Variants in DNM3 observed in about 807,000 individuals in gnomAD.
The protein encoded by DNM3 is dynamin-3.
DNM3 carries 47 observed loss-of-function variants against 101.6 expected under a neutral mutation model. The observed-to-expected ratio is 0.46, with a 90% CI of 0.37 to 0.59. The LOEUF is 0.59. Ranked by LOEUF, DNM3 falls within the 20% of genes least tolerant of loss-of-function variation. The pLI is 0.00. For missense variants in DNM3, 849 were observed against 1,085.7 expected (o/e 0.78, Z 3.06); for synonymous variants, 385 against 387.9 (o/e 0.99, Z 0.09).
At chr1:172,281,699 G>C (rs887540031) in intron 15 of DNM3, among the ~76,000 whole-genome samples, 5 of 151,888 alleles carry the variant, frequency 3.3e-5, no homozygotes, top group African/African-American at 1.2e-4. Flanking sequence ...CTGGTTTGCA[G>C]ACCCCACTCC....
At chr1:172,131,149 C>G (rs752470793) in intron 13 of DNM3, 26 bp from the exon 14 acceptor site, 1 of 1,606,152 alleles carries the variant, frequency 6.2e-7, no homozygotes, top group East Asian at 2.2e-5. Context: ...AACTAAACAC[C>G]TCTGCTGATT....
chr1:172,121,744 A>G (rs1449429940), intron 13 of DNM3, among the ~76,000 whole-genome samples: 1 of 152,208 alleles, frequency 6.6e-6, no homozygotes, highest in Non-Finnish European at 1.5e-5. Context: ...GTTATTAGGT[A>G]GGGGTTGGGA....
chr1:172,023,719 T>A (rs924126847), intron 4 of DNM3, among the ~76,000 whole-genome samples: 1 of 152,130 alleles, frequency 6.6e-6, no homozygotes, highest in Admixed American at 6.5e-5. Flanking sequence ...TATCTTTTAC[T>A]TATAGGACAT....
intron 20 of DNM3, among the ~76,000 whole-genome samples, chr1:172,391,508 A>G (rs1235331435): frequency 6.6e-6 from 1 of 152,228 alleles, no homozygotes; most frequent in African/African-American, 2.4e-5. Context: ...TAAGATTTCA[A>G]AAAAAGAAAG....
intron 13 of DNM3, among the ~76,000 whole-genome samples, chr1:172,104,680 T>G (rs145809801): frequency 2.2e-4 from 33 of 152,336 alleles, no homozygotes; most frequent in African/African-American, 7.9e-4. Context: ...TTTATTGTTC[T>G]TTATTCTCTC....
At position 172,408,253 on chromosome 1, in the gene DNM3, TAGG is replaced by T; in HGVS notation, c.*414_*416del. 1.0e-6 allele frequency: 1 copy of T among 997,328 alleles called. No individual in the cohort carries two copies. The highest frequency in any genetic ancestry group is 4.5e-5 in the South Asian group (1 of 22,146). 61.8% of individuals were successfully genotyped at this position (997,328 alleles called of 1,614,324 possible). ...CATATTTCTTTTCCCACATTCTGTTTAGGATGACAGTAATTCTGTTGTCTACCA... is the reference window on the plus strand; with the variant it reads ...CATATTTCTTTTCCCACATTCTGTTTATGACAGTAATTCTGTTGTCTACCA... On this transcript the variant is annotated 3_prime_UTR_variant, in exon 21 of 21. Transcript: ENST00000627582.
intron 15 of DNM3, among the ~76,000 whole-genome samples, chr1:172,298,630 A>T (rs991891266): frequency 5.9e-5 from 9 of 152,144 alleles, no homozygotes; most frequent in African/African-American, 2.2e-4. Context: ...ACTTGAGAAA[A>T]GAGGACCTGT....
At chr1:172,209,254 G>A (rs2060429104) in intron 14 of DNM3, among the ~76,000 whole-genome samples, 1 of 151,992 alleles carries the variant, frequency 6.6e-6, no homozygotes, top group South Asian at 2.1e-4. Context: ...GTAGTTATCT[G>A]CAAGCCAAGG....
chr1:172,052,299 C>T (rs2050259890), intron 10 of DNM3, among the ~76,000 whole-genome samples: 1 of 152,072 alleles, frequency 6.6e-6, no homozygotes, highest in Non-Finnish European at 1.5e-5. Context: ...GTACTCTCAC[C>T]TCCTTAGAGG....
intron 2 of DNM3, among the ~76,000 whole-genome samples, chr1:171,928,874 G>A (rs1269606769): frequency 1.3e-5 from 2 of 152,146 alleles, no homozygotes; most frequent in African/African-American, 4.8e-5. Flanking sequence ...TGCCTGCTCT[G>A]GTCCCTAGTC....
intron 1 of DNM3, among the ~76,000 whole-genome samples, chr1:171,907,435 G>T (rs1384490109): frequency 3.3e-5 from 5 of 151,900 alleles, no homozygotes; most frequent in Admixed American, 1.3e-4. Flanking sequence ...AGGTTGCGGT[G>T]AGCCAAGATT....
At chr1:172,129,007 G>A (rs1022528523) in intron 13 of DNM3, among the ~76,000 whole-genome samples, 6 of 152,072 alleles carry the variant, frequency 3.9e-5, no homozygotes, top group African/African-American at 7.2e-5. Context: ...TAGTTTTAAC[G>A]AGAAAATAAG....
At chr1:172,382,666 C>A (rs1238860825) in intron 18 of DNM3, among the ~76,000 whole-genome samples, 1 of 152,066 alleles carries the variant, frequency 6.6e-6, no homozygotes, top group African/African-American at 2.4e-5. Flanking sequence ...GACTCCTACC[C>A]CCACAGGGTA....
At position 172,337,866 on chromosome 1, in the gene DNM3, TTTTTATTTTATTTTATTTTA is replaced by T. The variant is rs567308271; in HGVS notation, c.1893+14569_1893+14588del. 2.9e-3 allele frequency among the ~76,000 whole-genome samples: 325 copies of T among 113,164 alleles called. 1 individual carries two copies. The highest frequency in any genetic ancestry group is 8.6e-3 in the African/African-American group (263 of 30,464). The allele number at this position is 113,164 out of a possible 152,430, so 74.2% of individuals were successfully genotyped here. ...TTTTATTTTATTTTATTTTATTTTA[TTTTTATTTTATTTTATTTTA>T]TTTTATTTTATTTTATTTTATTTTA... On this transcript the variant is annotated intron_variant, in intron 17 of 20. Transcript: ENST00000627582.
chr1:171,893,163 T>A (rs1425144936), intron 1 of DNM3, among the ~76,000 whole-genome samples: 3 of 152,196 alleles, frequency 2.0e-5, no homozygotes, highest in Middle Eastern at 3.2e-3. Context: ...AGAGTTAGAC[T>A]GTCTGTTTTG....
chr1:172,372,662 A>C (rs1436150157), intron 17 of DNM3, among the ~76,000 whole-genome samples: 1 of 150,002 alleles, frequency 6.7e-6, no homozygotes, highest in Non-Finnish European at 1.5e-5. Context: ...GTAGTATGAA[A>C]TCTTGTAATT....
intron 1 of DNM3, among the ~76,000 whole-genome samples, chr1:171,853,181 T>G (rs76308361): frequency 6.6e-6 from 1 of 152,046 alleles, no homozygotes; most frequent in Non-Finnish European, 1.5e-5. Context: ...TTTTTTTTTT[T>G]GAGACAGGCT....
intron 16 of DNM3, chr1:172,309,181 A>G (rs751447086): frequency 9.3e-6 from 2 of 214,220 alleles, no homozygotes; most frequent in Non-Finnish European, 1.8e-5. Flanking sequence ...TAATACAATC[A>G]GTATATCATC....
chr1:171,849,501 G>T lies in DNM3; in HGVS notation c.161+7684G>T, dbSNP rs563178813. ...GTTTTAAAAACAAAAGTAAGTTGAG[G>T]CAGATGGTAATGCGTATTTGCAAAT... is the stretch of plus-strand genomic sequence containing the variant. On this transcript the variant is annotated intron_variant, in intron 1 of 20. Transcript: ENST00000627582. 2.0e-5 allele frequency among the ~76,000 whole-genome samples: 3 copies of T among 152,270 alleles called. No homozygotes were observed. The East Asian group carries it at 5.8e-4, about 29-fold the overall frequency.
Sources: gnomAD v4.1 joint callset for allele counts (sites outside exome capture counted in the v4.1 genomes callset) on GRCh38, gnomAD v4.1.1 for gene constraint, MANE v1.5 for transcripts, NCBI Gene and HGNC (gene_info 2026-07-23, HGNC 2026-07-21) for gene names.